Variants in TMEM135 observed in about 807,000 individuals in gnomAD.
The protein encoded by TMEM135 is transmembrane protein 135.
TMEM135 carries 30 observed loss-of-function variants against 60.3 expected under a neutral mutation model. The observed-to-expected ratio is 0.50, with a 90% CI of 0.37 to 0.68. TMEM135 has a LOEUF of 0.68. Ranked by LOEUF, TMEM135 falls within the 30% of genes least tolerant of loss-of-function variation. The pLI is 0.00. For synonymous variants in TMEM135, 190 were observed against 186.7 expected, an observed-to-expected ratio of 1.02 and a Z score of -0.14; for missense variants, 468 against 548.8, an observed-to-expected ratio of 0.85 and a Z score of 1.47.
At position 87,322,619 on chromosome 11, in the gene TMEM135, A is replaced by G. The variant is rs1376313848; in HGVS notation, c.*1286A>G. ...TTTTTAAAATACATTTTGTTGCTAAAAAGTTTTTAGGCCAGTGCAAATTAT... is the reference window on the plus strand; with the variant it reads ...TTTTTAAAATACATTTTGTTGCTAAGAAGTTTTTAGGCCAGTGCAAATTAT... On this transcript the variant is annotated 3_prime_UTR_variant, in exon 15 of 15. Transcript: ENST00000305494. 2 of 453,972 alleles carry G rather than the reference A, an allele frequency of 4.4e-6. No individual in the cohort carries two copies. Among genetic ancestry groups the G allele is most frequent in the Admixed American group, 4.7e-5 (2 of 42,552 alleles). 28.1% of individuals were successfully genotyped at this position (453,972 alleles called of 1,614,324 possible). A position where few individuals can be genotyped will look rare whatever the true frequency, so the allele number is the denominator to read the frequency against.
At chr11:87,164,094 T>C (rs1172299068) in intron 5 of TMEM135, among the ~76,000 whole-genome samples, 2 of 128,352 alleles carry the variant, frequency 1.6e-5, no homozygotes, top group Admixed American at 8.7e-5. Context: ...TTTGGTGTTT[T>C]AGACATGAAG....
chr11:87,185,968 G>A (rs1354978113), intron 5 of TMEM135, among the ~76,000 whole-genome samples: 1 of 148,708 alleles, frequency 6.7e-6, no homozygotes, highest in African/African-American at 2.5e-5. Context: ...GTTCAGTGGC[G>A]TGATCTTGGC....
chr11:87,274,389 G>C (rs1393529336), intron 6 of TMEM135, among the ~76,000 whole-genome samples: 2 of 152,090 alleles, frequency 1.3e-5, no homozygotes, highest in Admixed American at 1.3e-4. Context: ...TCCCTCAAAT[G>C]TTTTCTCTCT....
intron 5 of TMEM135, among the ~76,000 whole-genome samples, chr11:87,219,715 A>C (rs76852557): frequency 0.053 from 8,132 of 152,210 alleles, 338 homozygotes; most frequent in Non-Finnish European, 0.073. Flanking sequence ...TGGGGGACAC[A>C]ATCAGTTTTA....
At chr11:87,101,146 A>G (rs1421050073) in intron 4 of TMEM135, among the ~76,000 whole-genome samples, 2 of 152,234 alleles carry the variant, frequency 1.3e-5, no homozygotes, top group African/African-American at 4.8e-5. Context: ...AAATGTATAT[A>G]GAAAGAAGTA....
Position 87,318,142 on chromosome 11 carries a change from G to A in TMEM135, c.1083G>A (p.Met361Ile). 2.5e-6 allele frequency: 4 copies of A among 1,611,552 alleles called. No homozygotes were observed. Among genetic ancestry groups the A allele is most frequent in the South Asian group, 1.1e-5 (1 of 91,044 alleles). ...MYLASKLVET[M>I]YFKGIEAGKV... is the part of the protein sequence containing the mutation. Reference sequence around the variant, plus strand: ...GTCTTATGCTTGTTTTGCAGACAATGTATTTCAAAGGCATTGAAGCAGGGA... The same window carrying A: ...GTCTTATGCTTGTTTTGCAGACAATATATTTCAAAGGCATTGAAGCAGGGA... Residue 361 changes from methionine (M) to isoleucine (I), a missense_variant, in exon 13 of 15, where the codon ATG becomes ATA. By Grantham distance (10) the Met-to-Ile change is conservative. Transcript: ENST00000305494.
rs1942826990 is a variant in TMEM135, at chr11:87,321,818, G to A, written c.*485G>A. 1 of 454,320 alleles carries A rather than the reference G, an allele frequency of 2.2e-6. No homozygotes were observed. Among genetic ancestry groups the A allele is most frequent in the Non-Finnish European group, 4.4e-6 (1 of 226,774 alleles). 28.1% of individuals were successfully genotyped at this position (454,320 alleles called of 1,614,324 possible). On this transcript the variant is annotated 3_prime_UTR_variant, in exon 15 of 15. Transcript: ENST00000305494. Reference sequence around the variant, plus strand: ...GTATCTGTAGTAGTGGAATGTTATAGATTTGAAGTAACTCTCCACGGACAG... The same window carrying A: ...GTATCTGTAGTAGTGGAATGTTATAAATTTGAAGTAACTCTCCACGGACAG...
intron 4 of TMEM135, among the ~76,000 whole-genome samples, chr11:87,151,389 A>G (rs999532504): frequency 2.0e-5 from 3 of 151,912 alleles, no homozygotes; most frequent in African/African-American, 7.3e-5. Flanking sequence ...TTCTTGTTTT[A>G]TGGTTGCAGT....
intron 6 of TMEM135, among the ~76,000 whole-genome samples, chr11:87,245,866 T>G (rs1365804032): frequency 1.2e-5 from 1 of 81,046 alleles, no homozygotes; most frequent in East Asian, 2.2e-4. Flanking sequence ...AAGTTAATAT[T>G]GTTATGTGTG....
At chr11:87,063,460 A>AT (rs1458402765) in intron 1 of TMEM135, among the ~76,000 whole-genome samples, 3 of 152,230 alleles carry the variant, frequency 2.0e-5, no homozygotes, top group Non-Finnish European at 4.4e-5. Context: ...ATATCTGATG[A>AT]TTTTATACAT....
chr11:87,117,397 A>G (rs1857916846), intron 4 of TMEM135, among the ~76,000 whole-genome samples: 1 of 152,234 alleles, frequency 6.6e-6, no homozygotes, highest in Admixed American at 6.5e-5. Context: ...CATTTCATCC[A>G]CAGTACAATT....
intron 4 of TMEM135, among the ~76,000 whole-genome samples, chr11:87,145,102 TCTC>T (rs1938377930): frequency 6.6e-6 from 1 of 152,118 alleles, no homozygotes; most frequent in African/African-American, 2.4e-5. Context: ...TTTGATCAAA[TCTC>T]CTCATTTCCC....
chr11:87,254,212 A>G (rs1941477846), intron 6 of TMEM135, among the ~76,000 whole-genome samples: 1 of 152,146 alleles, frequency 6.6e-6, no homozygotes. Context: ...AGGGAGTTTT[A>G]GGTAAAACAG....
At chr11:87,119,669 C>A (rs962533428) in intron 4 of TMEM135, among the ~76,000 whole-genome samples, 2 of 152,184 alleles carry the variant, frequency 1.3e-5, no homozygotes, top group African/African-American at 4.8e-5. Flanking sequence ...CCACTGCACT[C>A]CAGCCTGGGT....
chr11:87,064,963 C>T (rs1037443205), intron 1 of TMEM135, among the ~76,000 whole-genome samples: 15 of 148,904 alleles, frequency 1.0e-4, no homozygotes, highest in Non-Finnish European at 1.5e-4. Flanking sequence ...TTTTTTTTTT[C>T]CCCCCACTCA....
chr11:87,303,606 A>G (rs536018612), intron 8 of TMEM135, among the ~76,000 whole-genome samples: 2 of 152,358 alleles, frequency 1.3e-5, no homozygotes, highest in South Asian at 4.1e-4. Context: ...ATGAGATAAC[A>G]TTTATGAACT....
In TMEM135 at chr11:87,324,928, G is replaced by A. The variant is rs772454356; in HGVS notation, c.*3595G>A. The A allele has an allele frequency of 2.2e-6, 1 of 453,994 alleles. No individual in the cohort carries two copies. Among genetic ancestry groups the A allele is most frequent in the South Asian group, 1.6e-5 (1 of 64,470 alleles). 28.1% of individuals were successfully genotyped at this position (453,994 alleles called of 1,614,324 possible). A position where few individuals can be genotyped will look rare whatever the true frequency, so the allele number is the denominator to read the frequency against. On this transcript the variant is annotated 3_prime_UTR_variant, in exon 15 of 15. Transcript: ENST00000305494. ...ATGAGTGGCCAAGAAAAAAATACAA[G>A]AAAAGGAATAAGAAGTGATTATTTT...
chr11:87,104,801 G>T (rs1183008870), intron 4 of TMEM135, among the ~76,000 whole-genome samples: 6 of 152,136 alleles, frequency 3.9e-5, no homozygotes, highest in Non-Finnish European at 8.8e-5. Flanking sequence ...TTATTTATCA[G>T]TTCCAACAGT....
chr11:87,143,146 C>T (rs1363279012), intron 4 of TMEM135, among the ~76,000 whole-genome samples: 1 of 152,032 alleles, frequency 6.6e-6, no homozygotes, highest in Non-Finnish European at 1.5e-5. Context: ...TTTTTTAGCT[C>T]AGTTATTTCC....
Sources: allele counts gnomAD v4.1 joint callset (sites outside exome capture counted in the v4.1 genomes callset), GRCh38; gene constraint gnomAD v4.1.1; transcripts MANE v1.5; gene names NCBI Gene and HGNC (gene_info 2026-07-23, HGNC 2026-07-21).